FAM3D: variants seen among roughly 807,000 people sequenced by gnomAD.
FAM3D encodes the protein protein FAM3D.
Under a neutral mutation model 29.8 loss-of-function variants are expected in FAM3D, and 26 were observed. That is an observed-to-expected ratio of 0.87 (90% CI 0.64 to 1.21). The LOEUF (loss-of-function observed/expected upper bound fraction) is 1.21. FAM3D is among the 50% of genes most tolerant of loss of function. The probability of loss-of-function intolerance (pLI) is 0.00; values close to 1 mark genes in which losing one functional copy is unlikely to be tolerated. For missense variants in FAM3D, 253 were observed against 290.9 expected, an observed-to-expected ratio of 0.87 and a Z score of 0.95; for synonymous variants, 115 against 102.3, an observed-to-expected ratio of 1.12 and a Z score of -0.75.
Position 58,634,789 on chromosome 3 carries a change from C to T in FAM3D, c.586-421G>A, listed in dbSNP as rs1444142889. Reference sequence around the variant, plus strand: ...TAGGGAGTGTGCACTGTTTACATCCCATTCTACAGATGGGGAAGCTGAGGC... The same window carrying T: ...TAGGGAGTGTGCACTGTTTACATCCTATTCTACAGATGGGGAAGCTGAGGC... On this transcript the variant is annotated intron_variant, in intron 9 of 9. Transcript: ENST00000358781. This position sits in a 1 kb window ranked among gnomAD's most constrained non-coding sequence, Gnocchi z 4.6. 6.6e-6 allele frequency among the ~76,000 whole-genome samples: 1 copy of T among 152,174 alleles called. No homozygotes were observed. Among genetic ancestry groups the T allele is most frequent in the African/African-American group, 2.4e-5 (1 of 41,434 alleles).
At chr3:58,639,579 G>A (rs185038169) in intron 7 of FAM3D, among the ~76,000 whole-genome samples, 3 of 147,948 alleles carry the variant, frequency 2.0e-5, no homozygotes, top group Non-Finnish European at 4.6e-5. Context: ...CTTGCACACC[G>A]CATGTGGGCA....
chr3:58,652,057 A>G (rs1325048665), intron 3 of FAM3D, among the ~76,000 whole-genome samples: 2 of 152,116 alleles, frequency 1.3e-5, no homozygotes, highest in African/African-American at 4.8e-5. Context: ...GTCAATGTAC[A>G]TGGTTCTTGG....
chr3:58,653,541 T>G, intron 3 of FAM3D, 133 bp downstream of exon 3: 1 of 850,738 alleles, frequency 1.2e-6, no homozygotes, highest in South Asian at 1.5e-5. Context: ...CCCCTCTCCC[T>G]GCAATTGCTG....
intron 1 of FAM3D, among the ~76,000 whole-genome samples, chr3:58,665,408 G>A (rs1017841797): frequency 3.9e-5 from 6 of 152,038 alleles, no homozygotes; most frequent in Non-Finnish European, 7.4e-5. Context: ...TGAAGGACCC[G>A]GCATTCTCTT....
chr3:58,641,643 C>T (rs1050258560), intron 6 of FAM3D, among the ~76,000 whole-genome samples: 1 of 152,218 alleles, frequency 6.6e-6, no homozygotes, highest in African/African-American at 2.4e-5. Context: ...GCTGGGATTA[C>T]AGGCATGAGC....
rs9311680 is a variant in FAM3D at position 58,637,878 on chromosome 3, G to GATTATTATTATTATTATTATTATT, written c.374-654_374-653insAATAATAATAATAATAATAATAAT. On this transcript the variant is annotated intron_variant, in intron 7 of 9. Transcript: ENST00000358781. ...GAAGAGGCTGATTTGTTTCCCTTGT[G>GATTATTATTATTATTATTATTATT]ATTATTATTATTATTATTATTCTGA... Among the ~76,000 whole-genome samples, 800 of 148,700 alleles carry GATTATTATTATTATTATTATTATT rather than the reference G, an allele frequency of 5.4e-3. 11 individuals are homozygous for GATTATTATTATTATTATTATTATT. The highest frequency in any genetic ancestry group is 0.019 in the African/African-American group (750 of 40,454).
chr3:58,653,631 G>T, intron 3 of FAM3D, 43 bp downstream of exon 3: 1 of 1,561,320 alleles, frequency 6.4e-7, no homozygotes. Context: ...CGGCCCCCAG[G>T]CCTGGTCTGC....
At chr3:58,643,763 TGGAA>T in intron 5 of FAM3D, 43 bp from the exon 6 acceptor site, 1 of 1,586,558 alleles carries the variant, frequency 6.3e-7, no homozygotes, top group African/African-American at 1.3e-5. Context: ...GTCCCGAGTG[TGGAA>T]TGAACACTCT....
At chr3:58,649,536 T>TTCTCACACTCACA in intron 3 of FAM3D, 198 bp from the exon 4 acceptor site, 1 of 622,198 alleles carries the variant, frequency 1.6e-6, no homozygotes, top group Non-Finnish European at 2.9e-6. Flanking sequence ...CAGATACACA[T>TTCTCACACTCACA]GTGTACACAC....
Position 58,653,688 on chromosome 3 carries a change from A to G in FAM3D, c.107T>C (p.Leu36Pro). 6.2e-7 allele frequency: 1 copy of G among 1,613,918 alleles called. No individual in the cohort carries two copies. The highest frequency in any genetic ancestry group is 1.1e-5 in the South Asian group (1 of 91,082). ...YMSFSMKTIR[L>P]PRWLAASPTK... ...GCCCCACTCACCCAGCCAGCGTGGC[A>G]GACGGATGGTTTTCATGCTGAAGCT... Residue 36 changes from leucine (L) to proline (P), a missense_variant, in exon 3 of 10, where the codon CTG (leucine) becomes CCG (proline). Coordinates refer to ENST00000358781, the MANE Select transcript of FAM3D (RefSeq NM_138805.3).
chr3:58,652,549 C>G (rs2066669132), intron 3 of FAM3D, among the ~76,000 whole-genome samples: 1 of 151,668 alleles, frequency 6.6e-6, no homozygotes, highest in Non-Finnish European at 1.5e-5. Flanking sequence ...CTCATCCCTT[C>G]TCCACCCACT....
intron 5 of FAM3D, 149 bp from the exon 6 acceptor site, chr3:58,643,869 C>T (rs1022611299): frequency 9.5e-6 from 7 of 735,656 alleles, no homozygotes; most frequent in Non-Finnish European, 1.2e-5. Context: ...TCTGTTTTCT[C>T]CTGAAAACTA....
At chr3:58,660,424 C>T (rs2066908754) in intron 1 of FAM3D, among the ~76,000 whole-genome samples, 1 of 152,196 alleles carries the variant, frequency 6.6e-6, no homozygotes, top group Non-Finnish European at 1.5e-5. Flanking sequence ...CCCCTTTCAT[C>T]CTCTAAATGG....
intron 1 of FAM3D, among the ~76,000 whole-genome samples, chr3:58,664,411 T>A (rs115046660): frequency 2.6e-3 from 213 of 81,374 alleles, no homozygotes; most frequent in African/African-American, 6.0e-3. Flanking sequence ...TGAGACAGTG[T>A]CTAATCATTT....
intron 7 of FAM3D, among the ~76,000 whole-genome samples, chr3:58,637,878 G>GATTATTATTATTATTATTATTATTATT (rs9311680): frequency 4.0e-4 from 59 of 148,708 alleles, no homozygotes; most frequent in African/African-American, 1.4e-3. Context: ...TTTCCCTTGT[G>GATTATTATTATTATTATTATTATTATT]ATTATTATTA....
At chr3:58,660,142 CTG>C (rs1257038250) in intron 1 of FAM3D, among the ~76,000 whole-genome samples, 2 of 152,252 alleles carry the variant, frequency 1.3e-5, no homozygotes, top group East Asian at 3.9e-4. Context: ...AGAGACAAGA[CTG>C]AGGTAGAGAG....
intron 7 of FAM3D, among the ~76,000 whole-genome samples, chr3:58,639,481 A>T (rs1485582600): frequency 6.6e-6 from 1 of 152,212 alleles, no homozygotes; most frequent in Admixed American, 6.5e-5. Context: ...GTAGGACTCC[A>T]GGCAGAATGT....
At chr3:58,657,249 G>A (rs1212444758) in intron 1 of FAM3D, among the ~76,000 whole-genome samples, 1 of 152,048 alleles carries the variant, frequency 6.6e-6, no homozygotes, top group Non-Finnish European at 1.5e-5. Flanking sequence ...AGGATGGAAG[G>A]ACAGGGACAG....
intron 7 of FAM3D, 95 bp downstream of exon 7, chr3:58,640,032 G>A: frequency 2.9e-6 from 4 of 1,356,900 alleles, no homozygotes; most frequent in East Asian, 2.3e-5. Context: ...GAAGCACCAG[G>A]TACCTCGAGC....
Sources: allele counts gnomAD v4.1 joint callset (sites outside exome capture counted in the v4.1 genomes callset), GRCh38; gene constraint gnomAD v4.1.1; non-coding constraint Gnocchi (gnomAD v3.1); transcripts MANE v1.5; gene names NCBI Gene and HGNC (gene_info 2026-07-23, HGNC 2026-07-21).